CCDC85A: variants seen among roughly 807,000 people sequenced by gnomAD.
CCDC85A encodes coiled-coil domain-containing protein 85A.
CCDC85A carries 38 observed loss-of-function variants against 50.2 expected under a neutral mutation model. The ratio of observed to expected loss-of-function variants is 0.76; its 90% confidence interval spans 0.58 to 0.99. The LOEUF (loss-of-function observed/expected upper bound fraction) is 0.99, where lower values mean the gene tolerates loss of function less well. Among genes scored for constraint, CCDC85A ranks in the 50% least tolerant of loss-of-function variants. The pLI, the probability that CCDC85A is intolerant of heterozygous loss-of-function variation, is 0.00. For synonymous variants in CCDC85A, 366 were observed against 301.4 expected, an observed-to-expected ratio of 1.21 and a Z score of -2.22; for missense variants, 820 against 742.0, an observed-to-expected ratio of 1.11 and a Z score of -1.22.
intron 2 of CCDC85A, among the ~76,000 whole-genome samples, chr2:56,302,185 G>A (rs138827201): frequency 6.6e-6 from 1 of 152,116 alleles, no homozygotes; most frequent in Non-Finnish European, 1.5e-5. Flanking sequence ...GAACCTGGGA[G>A]GCAGAGGTTG....
At chr2:56,359,903 C>G (rs1558658340) in intron 3 of CCDC85A, among the ~76,000 whole-genome samples, 2 of 152,172 alleles carry the variant, frequency 1.3e-5, no homozygotes, top group Non-Finnish European at 2.9e-5. Context: ...CATTGGGAAT[C>G]TGCAAGGTGC....
intron 2 of CCDC85A, among the ~76,000 whole-genome samples, chr2:56,228,149 T>C (rs1668618682): frequency 1.3e-5 from 2 of 152,164 alleles, no homozygotes; most frequent in African/African-American, 4.8e-5. Flanking sequence ...TCCAGCATTA[T>C]TTTCTGGCCA....
intron 2 of CCDC85A, among the ~76,000 whole-genome samples, chr2:56,251,992 G>C (rs535620802): frequency 2.1e-4 from 32 of 151,570 alleles, no homozygotes; most frequent in African/African-American, 7.3e-4. Context: ...GTTTGACCTA[G>C]TCTTTTATGT....
At chr2:56,262,542 A>T (rs548804738) in intron 2 of CCDC85A, among the ~76,000 whole-genome samples, 4 of 152,278 alleles carry the variant, frequency 2.6e-5, no homozygotes, top group African/African-American at 7.2e-5. Flanking sequence ...GGTAATCAAG[A>T]GGTGTCTTCA....
intron 2 of CCDC85A, among the ~76,000 whole-genome samples, chr2:56,239,452 T>C (rs1304697794): frequency 1.3e-5 from 2 of 152,092 alleles, no homozygotes; most frequent in Admixed American, 6.6e-5. Flanking sequence ...TAAAATAACA[T>C]TGTAGCAAAC....
At chr2:56,351,121 C>A (rs1430732100) in intron 3 of CCDC85A, among the ~76,000 whole-genome samples, 4 of 144,798 alleles carry the variant, frequency 2.8e-5, no homozygotes, top group African/African-American at 1.0e-4. Flanking sequence ...TTTGTTCTTG[C>A]GATAGTTTAC....
intron 3 of CCDC85A, 23 bp from the exon 4 acceptor site, chr2:56,372,321 T>C (rs1676113786): frequency 3.9e-6 from 6 of 1,535,500 alleles, no homozygotes; most frequent in Non-Finnish European, 5.3e-6. Flanking sequence ...TGAGTGATTG[T>C]ACCATATTGT....
intron 2 of CCDC85A, among the ~76,000 whole-genome samples, chr2:56,270,098 G>A (rs1167203171): frequency 6.6e-6 from 1 of 152,056 alleles, no homozygotes; most frequent in Non-Finnish European, 1.5e-5. Flanking sequence ...GATTTTGGTG[G>A]GTGAACATAT....
In CCDC85A at chr2:56,189,297, G is replaced by GTTTTTTTT. The variant is rs70955011; in HGVS notation, c.277-3172_277-3165dup. On this transcript the variant is annotated intron_variant, in intron 1 of 5. Transcript: ENST00000407595. ...AAAACATGCACGGGGTATTTTTGGT[G>GTTTTTTTT]TTTTTTTTTTTTTTTGAGACAAGGT... Among the ~76,000 whole-genome samples the GTTTTTTTT allele has an allele frequency of 2.1e-3, 252 of 121,944 alleles. 9 individuals are homozygous for GTTTTTTTT. The highest frequency in any genetic ancestry group is 3.9e-3 in the African/African-American group (115 of 29,220). 80.0% of individuals were successfully genotyped at this position (121,944 alleles called of 152,430 possible).
intron 3 of CCDC85A, 74 bp from the exon 4 acceptor site, chr2:56,372,270 G>A: frequency 7.1e-7 from 1 of 1,403,964 alleles, no homozygotes; most frequent in Non-Finnish European, 9.4e-7. Context: ...TAAGCTTCAT[G>A]TTCTATCTGC....
intron 2 of CCDC85A, among the ~76,000 whole-genome samples, chr2:56,204,270 C>T (rs1045370278): frequency 6.6e-6 from 1 of 152,090 alleles, no homozygotes; most frequent in Non-Finnish European, 1.5e-5. Flanking sequence ...CAAAGACATA[C>T]CGATAACATT....
intron 2 of CCDC85A, among the ~76,000 whole-genome samples, chr2:56,342,491 G>A (rs1180230630): frequency 6.6e-6 from 1 of 152,148 alleles, no homozygotes; most frequent in Non-Finnish European, 1.5e-5. Context: ...AATTAATAAT[G>A]ATGTTGGACT....
At chr2:56,375,285 C>T (rs748856868) in intron 4 of CCDC85A, among the ~76,000 whole-genome samples, 8 of 152,140 alleles carry the variant, frequency 5.3e-5, no homozygotes, top group African/African-American at 1.9e-4. Flanking sequence ...TTAAAAAGAG[C>T]AGAAAAGATC....
At chr2:56,364,724 A>G (rs1024304502) in intron 3 of CCDC85A, among the ~76,000 whole-genome samples, 1 of 152,194 alleles carries the variant, frequency 6.6e-6, no homozygotes, top group African/African-American at 2.4e-5. Flanking sequence ...CATCCTGGAT[A>G]ACTCCTTCAA....
chr2:56,261,903 A>C (rs1670234496), intron 2 of CCDC85A, among the ~76,000 whole-genome samples: 1 of 152,180 alleles, frequency 6.6e-6, no homozygotes, highest in Non-Finnish European at 1.5e-5. Context: ...GCCCAGCCTA[A>C]GCCAGGTTCT....
chr2:56,284,022 C>G (rs1671319197), intron 2 of CCDC85A, among the ~76,000 whole-genome samples: 1 of 152,090 alleles, frequency 6.6e-6, no homozygotes, highest in Non-Finnish European at 1.5e-5. Context: ...ACATTTCCCT[C>G]TAAGCATTGC....
chr2:56,355,119 T>C (rs985017184), intron 3 of CCDC85A, among the ~76,000 whole-genome samples: 7 of 152,226 alleles, frequency 4.6e-5, no homozygotes. Flanking sequence ...TGAGTTTGGC[T>C]GTTGACTGGC....
chr2:56,351,391 G>A (rs1674930199), intron 3 of CCDC85A, among the ~76,000 whole-genome samples: 1 of 147,652 alleles, frequency 6.8e-6, no homozygotes, highest in Admixed American at 6.7e-5. Context: ...TGGGTCAAAT[G>A]GTATTTCCAG....
intron 2 of CCDC85A, among the ~76,000 whole-genome samples, chr2:56,320,668 A>G (rs1673134563): frequency 6.6e-6 from 1 of 152,182 alleles, no homozygotes; most frequent in Admixed American, 6.5e-5. Context: ...AACCAAAAAA[A>G]GTCCAGGACC....
Sources: allele counts gnomAD v4.1 joint callset (sites outside exome capture counted in the v4.1 genomes callset), GRCh38; gene constraint gnomAD v4.1.1; transcripts MANE v1.5; gene names NCBI Gene and HGNC (gene_info 2026-07-23, HGNC 2026-07-21).